Variants in NELL1 observed in about 807,000 individuals in gnomAD.
NELL1 encodes neural EGFL like 1.
In NELL1, 76 loss-of-function variants were observed where a neutral mutation model predicts 107.4. The ratio of observed to expected loss-of-function variants is 0.71; its 90% CI spans 0.59 to 0.86. The LOEUF (loss-of-function observed/expected upper bound fraction) is 0.86. Ranked by LOEUF, NELL1 falls within the 40% of genes least tolerant of loss-of-function variation. The probability of loss-of-function intolerance (pLI) is 0.00; values close to 1 mark genes in which losing one functional copy is unlikely to be tolerated. For synonymous variants in NELL1, 353 were observed against 341.2 expected (o/e 1.03, Z -0.38); for missense variants, 1,024 against 1,005.5 (o/e 1.02, Z -0.25).
chr11:20,977,543 C>T (rs1000880846), intron 12 of NELL1, among the ~76,000 whole-genome samples: 4 of 152,176 alleles, frequency 2.6e-5, no homozygotes, highest in African/African-American at 9.7e-5. Flanking sequence ...GGATTACAGG[C>T]GTGAGCCACT....
rs115376895 is a variant in NELL1, at chr11:20,929,706, T to C, written c.997+1227T>C. Among the ~76,000 whole-genome samples, 1,401 of 152,270 alleles carry C rather than the reference T, an allele frequency of 9.2e-3. 23 individuals are homozygous for C. The highest frequency in any genetic ancestry group is 0.03 in the African/African-American group (1,247 of 41,550). ...ACTATTAGGGGCCAAGCACAGTGGC[T>C]CACGCTTCTAATCCCAGCACTTTGG... On this transcript the variant is annotated intron_variant, in intron 9 of 19. Coordinates refer to ENST00000357134, the MANE Select transcript of NELL1 (RefSeq NM_006157.5).
intron 4 of NELL1, among the ~76,000 whole-genome samples, chr11:20,881,397 G>A (rs985763267): frequency 1.3e-5 from 2 of 152,144 alleles, no homozygotes; most frequent in African/African-American, 4.8e-5. Context: ...TAGAGAGGCA[G>A]TAGGGCAAGG....
chr11:20,962,531 C>A (rs7109380), intron 12 of NELL1, among the ~76,000 whole-genome samples: 53,699 of 152,020 alleles, frequency 0.35, 10,233 homozygotes, highest in East Asian at 0.58. Context: ...TCTATTGAGA[C>A]CCAGCAGAAT....
rs192972725 is a variant in NELL1, at chr11:21,222,265, T to C, written c.1427-7067T>C. Among the ~76,000 whole-genome samples, 1,469 of 152,106 alleles carry C rather than the reference T, an allele frequency of 9.7e-3. 14 individuals carry two copies. Among genetic ancestry groups the C allele is most frequent in the Middle Eastern group, 0.034 (10 of 294 alleles). ...TGCGATCTTGGCTCACTGCAAGCTC[T>C]GCCTCCCAGGTTCACACCATTCTCC... On this transcript the variant is annotated intron_variant, in intron 13 of 19. Coordinates refer to ENST00000357134, the MANE Select transcript of NELL1 (RefSeq NM_006157.5).
At chr11:21,411,775 A>T (rs1303695230) in intron 15 of NELL1, among the ~76,000 whole-genome samples, 1 of 152,020 alleles carries the variant, frequency 6.6e-6, no homozygotes, top group African/African-American at 2.4e-5. Flanking sequence ...GAGGTGAATG[A>T]TTCAGTAGAT....
chr11:21,051,985 G>A (rs1360483224), intron 12 of NELL1, among the ~76,000 whole-genome samples: 1 of 152,092 alleles, frequency 6.6e-6, no homozygotes, highest in Non-Finnish European at 1.5e-5. Context: ...ATACAGCAGA[G>A]TCAGGGAGAC....
chr11:21,343,594 C>G (rs1365712742), intron 14 of NELL1, among the ~76,000 whole-genome samples: 1 of 152,182 alleles, frequency 6.6e-6, no homozygotes, highest in Non-Finnish European at 1.5e-5. Flanking sequence ...GGGCAAACTT[C>G]TTCTGTAAAG....
At chr11:20,742,124 G>A (rs1855904666) in intron 2 of NELL1, among the ~76,000 whole-genome samples, 3 of 152,204 alleles carry the variant, frequency 2.0e-5, no homozygotes, top group African/African-American at 7.2e-5. Flanking sequence ...CTATTGAGGA[G>A]GACTTTGCAG....
intron 15 of NELL1, among the ~76,000 whole-genome samples, chr11:21,406,476 C>T (rs1224643077): frequency 6.6e-6 from 1 of 151,902 alleles, no homozygotes; most frequent in East Asian, 1.9e-4. Flanking sequence ...TAGTGCTTTA[C>T]CTTAACTTTC....
At chr11:20,804,000 G>A (rs972754369) in intron 3 of NELL1, among the ~76,000 whole-genome samples, 1 of 152,028 alleles carries the variant, frequency 6.6e-6, no homozygotes, top group Admixed American at 6.5e-5. Context: ...GACTCTCCTT[G>A]CTCCTTAGCC....
intron 13 of NELL1, among the ~76,000 whole-genome samples, chr11:21,226,722 G>T (rs1173821142): frequency 6.6e-6 from 1 of 152,080 alleles, no homozygotes; most frequent in Non-Finnish European, 1.5e-5. Flanking sequence ...AATATATTAT[G>T]ATATCATTGC....
intron 14 of NELL1, among the ~76,000 whole-genome samples, chr11:21,277,351 A>G (rs1332320441): frequency 6.6e-6 from 1 of 151,968 alleles, no homozygotes; most frequent in Non-Finnish European, 1.5e-5. Context: ...ACAATGAGAT[A>G]CCATCTCACA....
At chr11:21,097,932 TAAGA>T (rs1854690017) in intron 12 of NELL1, among the ~76,000 whole-genome samples, 1 of 145,520 alleles carries the variant, frequency 6.9e-6, no homozygotes, top group African/African-American at 2.6e-5. Flanking sequence ...TTGTGTTTTT[TAAGA>T]AAGAAAGAAA....
intron 16 of NELL1, among the ~76,000 whole-genome samples, chr11:21,541,055 T>C (rs751761108): frequency 2.6e-5 from 4 of 152,122 alleles, no homozygotes; most frequent in Non-Finnish European, 5.9e-5. Flanking sequence ...CTTTATCACC[T>C]ACAGTACAAT....
At chr11:21,461,903 C>G (rs1408098180) in intron 15 of NELL1, among the ~76,000 whole-genome samples, 1 of 152,062 alleles carries the variant, frequency 6.6e-6, no homozygotes, top group Non-Finnish European at 1.5e-5. Context: ...GTGGCATATT[C>G]CAAAGGTCCA....
At chr11:21,326,066 T>G (rs77373860) in intron 14 of NELL1, among the ~76,000 whole-genome samples, 6,410 of 103,240 alleles carry the variant, frequency 0.062, 255 homozygotes, top group Admixed American at 0.091. Flanking sequence ...TTTTTTTTTT[T>G]TTTTTTTTTT....
At position 20,927,381 on chromosome 11, in the gene NELL1, T is replaced by C; in HGVS notation, c.833T>C (p.Leu278Pro). The C allele has an allele frequency of 1.2e-6, 2 of 1,613,414 alleles. No homozygotes were observed. Among genetic ancestry groups the C allele is most frequent in the Non-Finnish European group, 1.7e-6 (2 of 1,179,666 alleles). The change falls in exon 8 of 20, where the codon CTG (leucine) becomes CCG (proline). Residue 278 changes from leucine (L) to proline (P), a missense_variant. Transcript: ENST00000357134. ...HCEKTCQVSG[L>P]LYRDQDSWVD... Reference sequence around the variant, plus strand: ...GAGAAGACTTGTCAAGTGAGTGGACTGCTCTATCGAGATCAAGACTCTTGG... The same window carrying C: ...GAGAAGACTTGTCAAGTGAGTGGACCGCTCTATCGAGATCAAGACTCTTGG...
At chr11:21,025,003 C>T (rs1852782482) in intron 12 of NELL1, among the ~76,000 whole-genome samples, 1 of 152,136 alleles carries the variant, frequency 6.6e-6, no homozygotes, top group Non-Finnish European at 1.5e-5. Flanking sequence ...ATGTCCCACT[C>T]CCTAAAGATA....
chr11:21,471,027 A>G (rs191902406), intron 15 of NELL1, among the ~76,000 whole-genome samples: 47 of 152,216 alleles, frequency 3.1e-4, no homozygotes, highest in Non-Finnish European at 4.9e-4. Flanking sequence ...CATATTTTGA[A>G]AGCATTATAC....
Sources: allele counts gnomAD v4.1 joint callset (sites outside exome capture counted in the v4.1 genomes callset), GRCh38; gene constraint gnomAD v4.1.1; transcripts MANE v1.5; gene names NCBI Gene and HGNC (gene_info 2026-07-23, HGNC 2026-07-21).